ARHGEF12: variants seen among roughly 807,000 people sequenced by gnomAD.
The protein encoded by ARHGEF12 is KMT2A/ARHGEF12 fusion protein.
A neutral mutation model predicts 211.2 loss-of-function variants in ARHGEF12; 66 were observed. The observed-to-expected ratio is 0.31, with a 90% CI of 0.26 to 0.38. The LOEUF (loss-of-function observed/expected upper bound fraction) is 0.38. ARHGEF12 is among the 10% of genes least tolerant of loss of function. ARHGEF12 has a pLI of 1.00. For missense variants in ARHGEF12, 1,429 were observed against 1,869.5 expected (o/e 0.76, Z 4.34); for synonymous variants, 592 against 638.4 (o/e 0.93, Z 1.09).
intron 1 of ARHGEF12, among the ~76,000 whole-genome samples, chr11:120,382,678 A>ATT (rs1193282011): frequency 1.3e-5 from 2 of 151,948 alleles, no homozygotes; most frequent in African/African-American, 4.8e-5. Flanking sequence ...CATTCATTCT[A>ATT]TTTCTCTCTC....
intron 1 of ARHGEF12, among the ~76,000 whole-genome samples, chr11:120,392,082 T>C (rs1310499122): frequency 6.6e-6 from 1 of 152,192 alleles, no homozygotes; most frequent in Non-Finnish European, 1.5e-5. Context: ...CTGGCCCCTG[T>C]CTACTTCTGT....
At chr11:120,451,480 A>G in intron 21 of ARHGEF12, 32 bp from the exon 22 acceptor site, 3 of 1,610,138 alleles carry the variant, frequency 1.9e-6, no homozygotes, top group Non-Finnish European at 1.7e-6. Flanking sequence ...CCCAGCCGCA[A>G]TACAGATTAT....
chr11:120,352,513 T>C (rs1418002317), intron 1 of ARHGEF12, among the ~76,000 whole-genome samples: 1 of 152,102 alleles, frequency 6.6e-6, no homozygotes, highest in East Asian at 1.9e-4. Context: ...TATAGTGTTA[T>C]CTTTATCATT....
At chr11:120,348,951 A>C (rs1022893357) in intron 1 of ARHGEF12, among the ~76,000 whole-genome samples, 4 of 152,252 alleles carry the variant, frequency 2.6e-5, no homozygotes, top group Non-Finnish European at 4.4e-5. Context: ...ATATCTTACT[A>C]TGTATATGTA....
chr11:120,401,063 TA>T (rs1944536415), intron 1 of ARHGEF12, among the ~76,000 whole-genome samples: 1 of 152,202 alleles, frequency 6.6e-6, no homozygotes, highest in African/African-American at 2.4e-5. Context: ...ACTAGTGTTT[TA>T]ATGCCAGCTC....
At chr11:120,390,619 T>C (rs1944182286) in intron 1 of ARHGEF12, among the ~76,000 whole-genome samples, 1 of 152,204 alleles carries the variant, frequency 6.6e-6, no homozygotes, top group Non-Finnish European at 1.5e-5. Flanking sequence ...TAACGGGATA[T>C]GAATACCTTT....
intron 1 of ARHGEF12, among the ~76,000 whole-genome samples, chr11:120,371,524 A>T (rs1943588884): frequency 6.6e-6 from 1 of 152,340 alleles, no homozygotes. Flanking sequence ...AGAATACCTT[A>T]ATACATAAAC....
At chr11:120,444,185 T>G (rs1056878046) in intron 15 of ARHGEF12, among the ~76,000 whole-genome samples, 1 of 152,210 alleles carries the variant, frequency 6.6e-6, no homozygotes, top group Non-Finnish European at 1.5e-5. Context: ...CCTACTCCCA[T>G]TGTTTAAAAT....
At chr11:120,428,504 A>C (rs1018111559) in intron 8 of ARHGEF12, among the ~76,000 whole-genome samples, 9 of 152,220 alleles carry the variant, frequency 5.9e-5, no homozygotes, top group African/African-American at 2.2e-4. Context: ...CTCTATGTTC[A>C]AGATTATAGT....
At chr11:120,347,260 C>G (rs7481572) in intron 1 of ARHGEF12, among the ~76,000 whole-genome samples, 1 of 117,068 alleles carries the variant, frequency 8.5e-6, no homozygotes, top group African/African-American at 3.4e-5. Flanking sequence ...CTCTCTCTCT[C>G]TCTCTCTGTC....
In ARHGEF12 at chr11:120,486,871, A is replaced by G. The variant is rs968602225; in HGVS notation, c.*1794A>G. ...ACTTGGATCTTTAGACCTCATCTAT[A>G]AATTGAAATTATATTTTTAGTCATA... On this transcript the variant is annotated 3_prime_UTR_variant, in exon 41 of 41. Coordinates refer to ENST00000397843, the MANE Select transcript of ARHGEF12 (RefSeq NM_015313.3). 4.7e-6 allele frequency: 1 copy of G among 212,302 alleles called. No individual in the cohort carries two copies. Among genetic ancestry groups the G allele is most frequent in the African/African-American group, 2.3e-5 (1 of 44,236 alleles). The allele number at this position is 212,302 out of a possible 1,614,324, so 13.2% of individuals were successfully genotyped here.
intron 11 of ARHGEF12, among the ~76,000 whole-genome samples, chr11:120,432,765 T>C (rs759213262): frequency 1.3e-5 from 2 of 152,200 alleles, no homozygotes; most frequent in African/African-American, 2.4e-5. Context: ...TTCTCTCTTA[T>C]TGAAGGTTGT....
intron 1 of ARHGEF12, among the ~76,000 whole-genome samples, chr11:120,366,238 G>T (rs1056692551): frequency 1.3e-5 from 2 of 152,198 alleles, no homozygotes; most frequent in Non-Finnish European, 2.9e-5. Context: ...CTTGGTGACA[G>T]AGTGAGACCC....
At chr11:120,419,737 A>G (rs1208008000) in intron 4 of ARHGEF12, among the ~76,000 whole-genome samples, 4 of 152,200 alleles carry the variant, frequency 2.6e-5, no homozygotes, top group African/African-American at 9.6e-5. Context: ...TGGTTGGTAA[A>G]TCAGACTTAT....
chr11:120,377,760 A>T (rs897029206), intron 1 of ARHGEF12, among the ~76,000 whole-genome samples: 3 of 152,074 alleles, frequency 2.0e-5, no homozygotes, highest in African/African-American at 7.2e-5. Flanking sequence ...TTCTTTATCC[A>T]TTGACCTGTT....
intron 37 of ARHGEF12, 86 bp downstream of exon 37, chr11:120,478,475 C>T (rs1947127508): frequency 8.2e-7 from 1 of 1,217,400 alleles, no homozygotes; most frequent in Non-Finnish European, 1.2e-6. Context: ...TTATCAAACT[C>T]CACTTATTCT....
chr11:120,461,367 A>G (rs1946524389), intron 27 of ARHGEF12, among the ~76,000 whole-genome samples: 2 of 152,170 alleles, frequency 1.3e-5, no homozygotes, highest in Admixed American at 6.5e-5. Context: ...TTAAGTGACC[A>G]TGTGCATTGT....
At chr11:120,475,635 T>G in intron 33 of ARHGEF12, 128 bp downstream of exon 33, 3 of 939,522 alleles carry the variant, frequency 3.2e-6, no homozygotes, top group Non-Finnish European at 4.6e-6. Flanking sequence ...GCAAATTACA[T>G]GAAATTTACT....
intron 1 of ARHGEF12, among the ~76,000 whole-genome samples, chr11:120,369,125 C>CTTTTTTTTTTTT (rs1183494101): frequency 3.1e-5 from 4 of 127,292 alleles, no homozygotes; most frequent in Non-Finnish European, 5.1e-5. Context: ...TTCTTTTCTT[C>CTTTTTTTTTTTT]TTTTTTTTTT....
Sources: allele counts gnomAD v4.1 joint callset (sites outside exome capture counted in the v4.1 genomes callset), GRCh38; gene constraint gnomAD v4.1.1; transcripts MANE v1.5; gene names NCBI Gene and HGNC (gene_info 2026-07-23, HGNC 2026-07-21).